Variants in NRG1 observed in about 807,000 individuals in gnomAD.
NRG1 encodes neuregulin 1, also known as pro-neuregulin-1, membrane-bound isoform.
NRG1 carries 18 observed loss-of-function variants against 63.8 expected under a neutral mutation model. That is an observed-to-expected ratio of 0.28 (90% confidence interval 0.19 to 0.42). The LOEUF is 0.42. NRG1 is among the 10% of genes least tolerant of loss of function. The pLI is 1.00. For synonymous variants in NRG1, 302 were observed against 301.3 expected (o/e 1.00, Z -0.02); for missense variants, 762 against 814.7 (o/e 0.94, Z 0.79).
intron 1 of NRG1, among the ~76,000 whole-genome samples, chr8:31,778,381 G>C (rs1269756911): frequency 6.6e-6 from 1 of 152,058 alleles, no homozygotes; most frequent in Non-Finnish European, 1.5e-5. Context: ...ATATATACCA[G>C]GCATGGGAAT....
exon 12 of NRG1, chr8:32,764,419 T>C (rs1831254594): frequency 6.6e-7 from 1 of 1,513,584 alleles, no homozygotes. Context: ...AATAAACACA[T>C]AGATTCACCT....
At chr8:32,502,821 A>C (rs1279045717) in intron 1 of NRG1, among the ~76,000 whole-genome samples, 1 of 152,132 alleles carries the variant, frequency 6.6e-6, no homozygotes, top group Admixed American at 6.5e-5. Context: ...GAAGAAATAA[A>C]CAATCATAAA....
At chr8:32,022,988 C>T (rs1322337838) in intron 1 of NRG1, among the ~76,000 whole-genome samples, 1 of 152,058 alleles carries the variant, frequency 6.6e-6, no homozygotes, top group Non-Finnish European at 1.5e-5. Context: ...ATATTTGTAC[C>T]ATAAAATAAA....
chr8:32,664,979 G>T lies in NRG1; in HGVS notation c.502+48094G>T, dbSNP rs1162262201. 3.3e-5 allele frequency among the ~76,000 whole-genome samples: 5 copies of T among 152,200 alleles called. No individual in the cohort carries two copies. In the East Asian group the frequency reaches 9.6e-4, roughly 29 times the overall value. Reference sequence around the variant, plus strand: ...TTCATTACTTCTTCCTGATGAAGCTGCTCAGTTAAATAATATTAATTGTTC... The same window carrying T: ...TTCATTACTTCTTCCTGATGAAGCTTCTCAGTTAAATAATATTAATTGTTC... On this transcript the variant is annotated intron_variant, in intron 5 of 11. Coordinates refer to ENST00000356819, the Ensembl canonical transcript of NRG1.
chr8:31,809,372 GTATA>G (rs898187141), intron 1 of NRG1, among the ~76,000 whole-genome samples: 2 of 132,182 alleles, frequency 1.5e-5, no homozygotes, highest in Non-Finnish European at 3.2e-5. Flanking sequence ...ATATATACAC[GTATA>G]TATACGTGTA....
intron 1 of NRG1, among the ~76,000 whole-genome samples, chr8:32,435,013 A>T (rs1818612707): frequency 6.6e-6 from 1 of 152,124 alleles, no homozygotes; most frequent in Admixed American, 6.6e-5. Flanking sequence ...TGGATACCTG[A>T]GGGACAAATG....
chr8:32,577,915 C>T (rs1431182387), intron 1 of NRG1, among the ~76,000 whole-genome samples: 2 of 152,114 alleles, frequency 1.3e-5, no homozygotes, highest in African/African-American at 4.8e-5. Flanking sequence ...TGAAGTGGTT[C>T]TGGAAGCAAG....
intron 1 of NRG1, among the ~76,000 whole-genome samples, chr8:32,267,624 T>C (rs909970297): frequency 6.6e-6 from 1 of 151,874 alleles, no homozygotes; most frequent in African/African-American, 2.4e-5. Flanking sequence ...CAGTCAATAA[T>C]TCCCTGAATC....
At chr8:31,665,334 CCTT>C (rs1806417618) in intron 1 of NRG1, among the ~76,000 whole-genome samples, 1 of 152,182 alleles carries the variant, frequency 6.6e-6, no homozygotes, top group Non-Finnish European at 1.5e-5. Context: ...GCCTTTATGA[CCTT>C]CTATACACAG....
intron 5 of NRG1, among the ~76,000 whole-genome samples, chr8:32,684,814 G>T (rs1418255369): frequency 9.3e-5 from 14 of 150,298 alleles, no homozygotes; most frequent in Admixed American, 9.3e-4. Context: ...TAGGTAGGTG[G>T]TATAAAATTT....
intron 1 of NRG1, among the ~76,000 whole-genome samples, chr8:32,422,609 C>G (rs1417473119): frequency 6.8e-6 from 1 of 147,016 alleles, no homozygotes; most frequent in Non-Finnish European, 1.5e-5. Context: ...GATTTTGTAT[C>G]TTTAAACATA....
intron 5 of NRG1, among the ~76,000 whole-genome samples, chr8:32,694,070 C>T (rs1812598421): frequency 6.6e-6 from 1 of 152,164 alleles, no homozygotes; most frequent in African/African-American, 2.4e-5. Context: ...TCCATAGCTG[C>T]TACACATCAA....
At chr8:32,064,543 C>T (rs141746814) in intron 1 of NRG1, among the ~76,000 whole-genome samples, 1 of 152,206 alleles carries the variant, frequency 6.6e-6, no homozygotes, top group East Asian at 1.9e-4. Context: ...GAGCAGAATC[C>T]AACCTCATAG....
chr8:32,501,020 A>T (rs1487522260), intron 1 of NRG1, among the ~76,000 whole-genome samples: 6 of 152,224 alleles, frequency 3.9e-5, no homozygotes, highest in Admixed American at 3.9e-4. Context: ...TGTACTCCAG[A>T]GTACCTGCCA....
chr8:32,552,210 CTTTTTTTT>C (rs35243877), intron 1 of NRG1, among the ~76,000 whole-genome samples: 1 of 124,766 alleles, frequency 8.0e-6, no homozygotes, highest in Non-Finnish European at 1.7e-5. Context: ...CGCTTGGCCG[CTTTTTTTT>C]TTTTTTTTTT....
intron 1 of NRG1, among the ~76,000 whole-genome samples, chr8:31,690,045 G>T (rs1293841979): frequency 6.6e-6 from 1 of 152,140 alleles, no homozygotes; most frequent in Non-Finnish European, 1.5e-5. Flanking sequence ...AATCATGGGG[G>T]TTTTACCTCC....
Position 31,639,693 on chromosome 8 carries a change from C to G in NRG1, c.37+262C>G, listed in dbSNP as rs915144814. On this transcript the variant is annotated intron_variant, in intron 1 of 10. Transcript: ENST00000519301. Reference sequence around the variant, plus strand: ...GCGGCGGCGCGGGGGGTGGGGGGACCTGTCACTCCCTGTAACTGAGGCGGC... The same window carrying G: ...GCGGCGGCGCGGGGGGTGGGGGGACGTGTCACTCCCTGTAACTGAGGCGGC... 2.1e-6 allele frequency: 3 copies of G among 1,400,522 alleles called. No homozygotes were observed. In the African/African-American group the frequency reaches 4.6e-5, roughly 21 times the overall value. The allele number at this position is 1,400,522 out of a possible 1,614,324, so 86.8% of individuals were successfully genotyped here. A position where few individuals can be genotyped will look rare whatever the true frequency, so the allele number is the denominator to read the frequency against.
chr8:32,485,234 C>A (rs1563529421), intron 1 of NRG1, among the ~76,000 whole-genome samples: 2 of 151,990 alleles, frequency 1.3e-5, no homozygotes, highest in African/African-American at 4.8e-5. Flanking sequence ...CCTGCCTCAG[C>A]CTCCCAAGGA....
chr8:31,976,703 G>T (rs1159637291), intron 1 of NRG1, among the ~76,000 whole-genome samples: 1 of 126,106 alleles, frequency 7.9e-6, no homozygotes, highest in Non-Finnish European at 1.7e-5. Context: ...GTGTGTATGT[G>T]TGTGTGTACT....
Sources: gnomAD v4.1 joint callset for allele counts (sites outside exome capture counted in the v4.1 genomes callset) on GRCh38, gnomAD v4.1.1 for gene constraint, MANE v1.5 for transcripts, NCBI Gene and HGNC (gene_info 2026-07-23, HGNC 2026-07-21) for gene names.